The following WASHC2C variants were observed in gnomAD, a reference collection of about 807,000 sequenced individuals.
The protein encoded by WASHC2C is Vaccinia Penetration Factor.
WASHC2C carries 73 observed loss-of-function variants against 142.2 expected under a neutral mutation model. The ratio of observed to expected loss-of-function variants is 0.51; its 90% CI spans 0.43 to 0.62. The LOEUF (loss-of-function observed/expected upper bound fraction) is 0.62. Ranked by LOEUF, WASHC2C falls within the 20% of genes least tolerant of loss-of-function variation. The pLI, the probability that WASHC2C is intolerant of heterozygous loss-of-function variation, is 0.00. For synonymous variants in WASHC2C, 337 were observed against 565.5 expected (o/e 0.60, Z 5.73); for missense variants, 969 against 1,531.7 (o/e 0.63, Z 6.13).
chr10:45,727,180 T>C, upstream of WASHC2C: 1 of 1,455,782 alleles, frequency 6.9e-7, no homozygotes, highest in Non-Finnish European at 9.0e-7. Context: ...TCGGATCACG[T>C]GCGGGTTCTG....
chr10:45,732,037 C>G (rs1376265955), intron 3 of WASHC2C, among the ~76,000 whole-genome samples: 2 of 151,986 alleles, frequency 1.3e-5, no homozygotes, highest in Non-Finnish European at 2.9e-5. Context: ...ACCTCATGAT[C>G]CACCCGCCTT....
At chr10:45,790,013 A>G (rs1160666813) in intron 29 of WASHC2C, among the ~76,000 whole-genome samples, 1 of 152,258 alleles carries the variant, frequency 6.6e-6, no homozygotes, top group Non-Finnish European at 1.5e-5. Context: ...CTGGGAAGAT[A>G]ATCAAATACA....
intron 3 of WASHC2C, among the ~76,000 whole-genome samples, chr10:45,736,867 G>T (rs2051340043): frequency 6.6e-6 from 1 of 151,748 alleles, no homozygotes; most frequent in African/African-American, 2.4e-5. Flanking sequence ...CAATTTGGTG[G>T]TTTTTACTGT....
intron 29 of WASHC2C, among the ~76,000 whole-genome samples, chr10:45,789,819 C>T (rs1254771558): frequency 1.4e-5 from 2 of 147,060 alleles, no homozygotes; most frequent in East Asian, 3.9e-4. Flanking sequence ...GCATACAGCT[C>T]CACTGGTCCA....
At chr10:45,754,460 G>A in intron 13 of WASHC2C, 26 bp from the exon 14 acceptor site, 2 of 1,592,230 alleles carry the variant, frequency 1.3e-6, no homozygotes, top group Non-Finnish European at 1.7e-6. Context: ...CTTGTAAAAT[G>A]GTTACCCCTT....
intron 3 of WASHC2C, chr10:45,737,300 G>C (rs1426007080): frequency 2.3e-6 from 1 of 436,336 alleles, no homozygotes; most frequent in East Asian, 4.5e-5. Context: ...TTTATAACAA[G>C]CATGTTGTAC....
intron 8 of WASHC2C, among the ~76,000 whole-genome samples, chr10:45,747,893 C>T (rs1293966402): frequency 6.8e-6 from 1 of 147,730 alleles, no homozygotes; most frequent in Non-Finnish European, 1.5e-5. Flanking sequence ...CCAATATTTT[C>T]ATATATAGAA....
chr10:45,727,167 A>T, upstream of WASHC2C: 5 of 1,447,478 alleles, frequency 3.5e-6, no homozygotes, highest in Non-Finnish European at 4.5e-6. Context: ...TCAGCATCGC[A>T]GGTCGGATCA....
chr10:45,768,742 C>T (rs538612011), intron 19 of WASHC2C, among the ~76,000 whole-genome samples: 1 of 151,972 alleles, frequency 6.6e-6, no homozygotes, highest in East Asian at 1.9e-4. Context: ...TTTCAATCTG[C>T]TTTAGGATTT....
At position 45,777,376 on chromosome 10, in the gene WASHC2C, C is replaced by T. The variant is rs2057186006; in HGVS notation, c.2246C>T (p.Ala749Val). 3 of 1,609,980 alleles carry T rather than the reference C, an allele frequency of 1.9e-6. No homozygotes were observed. The highest frequency in any genetic ancestry group is 1.7e-5 in the Admixed American group (1 of 59,734). The change falls in exon 22 of 31, where the codon GCC (alanine) becomes GTC (valine). Residue 749 changes from alanine (A) to valine (V), a missense_variant. Physicochemically the swap from Ala to Val is moderately conservative, Grantham distance 64. Transcript: ENST00000623400. ...TCTGTGGATAAGAAGGTTGAGAGTG[C>T]CAAGGAGTCATTAAAATTTGGGAGA... ...VKSVDKKVES[A>V]KESLKFGRTD... is the part of the protein sequence containing the mutation.
intron 30 of WASHC2C, 70 bp from the exon 31 acceptor site, chr10:45,792,191 C>A (rs1273435731): frequency 6.5e-7 from 1 of 1,534,212 alleles, no homozygotes. Context: ...TGGTGGTTTG[C>A]TTGCATGTGT....
At chr10:45,791,162 G>A (rs1351144278) in intron 30 of WASHC2C, among the ~76,000 whole-genome samples, 6 of 152,038 alleles carry the variant, frequency 3.9e-5, no homozygotes, top group African/African-American at 7.3e-5. Flanking sequence ...TACTCCCCCC[G>A]TCAATCTAGA....
At chr10:45,754,017 C>T (rs1396147175) in intron 13 of WASHC2C, among the ~76,000 whole-genome samples, 1 of 151,568 alleles carries the variant, frequency 6.6e-6, no homozygotes, top group African/African-American at 2.4e-5. Context: ...TTTCTGCTGT[C>T]CATGTTTTGG....
In WASHC2C at chr10:45,727,364, G is replaced by T. The variant is rs777203041; in HGVS notation, c.3+44G>T. 3.1e-6 allele frequency: 5 copies of T among 1,603,782 alleles called. No individual in the cohort carries two copies. The East Asian group carries it at 1.1e-4, about 36-fold the overall frequency. On this transcript the variant is annotated intron_variant, in intron 1 of 30. Transcript: ENST00000623400. ...AGAGGGGCCGGCCTGGGCTGGGGCC[G>T]CCGTCCCTGCCGCCCTCAGGCTCAG... is the stretch of plus-strand genomic sequence containing the variant.
intron 20 of WASHC2C, among the ~76,000 whole-genome samples, chr10:45,772,386 C>G (rs1424796590): frequency 2.0e-5 from 3 of 152,168 alleles, no homozygotes; most frequent in Non-Finnish European, 4.4e-5. Context: ...AAGAGTGAAT[C>G]TGGATTAAGA....
intron 2 of WASHC2C, among the ~76,000 whole-genome samples, chr10:45,728,071 C>G (rs1199102611): frequency 6.6e-6 from 1 of 152,190 alleles, no homozygotes; most frequent in East Asian, 1.9e-4. Flanking sequence ...CCCTGTCGCC[C>G]AGGCTGGAGT....
At chr10:45,772,416 A>G (rs1338370040) in intron 20 of WASHC2C, among the ~76,000 whole-genome samples, 6 of 152,238 alleles carry the variant, frequency 3.9e-5, no homozygotes, top group Non-Finnish European at 7.3e-5. Flanking sequence ...AAGTGTACGC[A>G]CTTTAAAAGA....
At chr10:45,773,892 CAAAAAAAAAAAAAA>C (rs71023148) in intron 21 of WASHC2C, among the ~76,000 whole-genome samples, 1 of 31,078 alleles carries the variant, frequency 3.2e-5, no homozygotes, top group Non-Finnish European at 6.0e-5. Flanking sequence ...TACTGCAGGC[CAAAAAAAAAAAAAA>C]AAAAAAAAAG....
intron 8 of WASHC2C, among the ~76,000 whole-genome samples, chr10:45,749,836 A>AAAAAAAATATATATATAT (rs1227809519): frequency 2.0e-5 from 2 of 101,770 alleles, no homozygotes; most frequent in African/African-American, 8.7e-5. Flanking sequence ...AAAAAAAAAA[A>AAAAAAAATATATATATAT]ATATATATAT....
Sources: allele counts gnomAD v4.1 joint callset (sites outside exome capture counted in the v4.1 genomes callset), GRCh38; gene constraint gnomAD v4.1.1; transcripts MANE v1.5; gene names NCBI Gene and HGNC (gene_info 2026-07-23, HGNC 2026-07-21).